AGAP3: variants seen among roughly 807,000 people sequenced by gnomAD.
AGAP3 encodes the protein arf-GAP with GTPase, ANK repeat and PH domain-containing protein 3.
In AGAP3, 24 loss-of-function variants were observed where a neutral mutation model predicts 96.9. The observed-to-expected ratio is 0.25, with a 90% confidence interval of 0.18 to 0.35. The LOEUF is 0.35. AGAP3 is among the 10% of genes least tolerant of loss of function. The pLI, the probability that AGAP3 is intolerant of heterozygous loss-of-function variation, is 1.00. For synonymous variants in AGAP3, 563 were observed against 536.1 expected, an observed-to-expected ratio of 1.05 and a Z score of -0.69; for missense variants, 876 against 1,254.2, an observed-to-expected ratio of 0.70 and a Z score of 4.55.
intron 1 of AGAP3, among the ~76,000 whole-genome samples, chr7:151,094,820 C>A (rs985109265): frequency 1.3e-5 from 2 of 151,044 alleles, no homozygotes; most frequent in East Asian, 4.0e-4. Context: ...GGCCTCCCCT[C>A]CCTTCCTCCC....
In AGAP3 at chr7:151,143,700, TG is replaced by T; in HGVS notation, c.2530-36del. The T allele has an allele frequency of 6.2e-7, 1 of 1,613,184 alleles. No homozygotes were observed. Among genetic ancestry groups the T allele is most frequent in the Non-Finnish European group, 8.5e-7 (1 of 1,179,218 alleles). ...CCTACAACCAATCTCTCTCCTCCCA[TG>T]TCTTGCCAACTGTCAACATGTGTTT... On this transcript the variant is annotated intron_variant, in intron 17 of 17. Transcript: ENST00000397238. The surrounding 1 kb of genome is among the most constrained non-coding windows in gnomAD (Gnocchi z 5.9).
intron 8 of AGAP3, among the ~76,000 whole-genome samples, chr7:151,121,530 C>G (rs1241935441): frequency 6.6e-6 from 1 of 152,094 alleles, no homozygotes; most frequent in Non-Finnish European, 1.5e-5. Context: ...TGTAGCAACC[C>G]CAGGGCACCC....
At chr7:151,122,977 T>C in intron 8 of AGAP3, 1 of 1,426,606 alleles carries the variant, frequency 7.0e-7, no homozygotes, top group Non-Finnish European at 9.1e-7. Context: ...CGCTGGGGGC[T>C]GCCGGGGACC....
chr7:151,115,177 A>G, intron 1 of AGAP3: 1 of 1,012,926 alleles, frequency 9.9e-7, no homozygotes, highest in Non-Finnish European at 1.2e-6. Context: ...AACCGCCTGG[A>G]GCTGGCGGCC....
chr7:151,142,503 G>A lies in AGAP3; in HGVS notation c.2142G>A (p.Val714=). ...ACCTGGGGGCTCACCTGTCCCGGGT[G>A]CGCTCCCTTGACCTCGATGACTGGC... ...HRHLGAHLSR[V]RSLDLDDWPP... The change falls in exon 16 of 18, where the codon GTG becomes GTA. Residue 714 remains valine (V), a synonymous_variant. Transcript: ENST00000397238. The surrounding 1 kb of genome is among the most constrained non-coding windows in gnomAD (Gnocchi z 7.5). 2.5e-6 allele frequency: 4 copies of A among 1,613,890 alleles called. No individual in the cohort carries two copies. The highest frequency in any genetic ancestry group is 3.4e-6 in the Non-Finnish European group (4 of 1,180,022).
chr7:151,119,564 G>C (rs1799766809), intron 7 of AGAP3, among the ~76,000 whole-genome samples: 1 of 152,150 alleles, frequency 6.6e-6, no homozygotes, highest in Admixed American at 6.5e-5. Flanking sequence ...CCGCCTCCTG[G>C]CCTCCTGCAC....
At chr7:151,138,457 C>A in intron 12 of AGAP3, 144 bp downstream of exon 12, 1 of 970,186 alleles carries the variant, frequency 1.0e-6, no homozygotes, top group Non-Finnish European at 1.5e-6. Context: ...CCCTCCTGGG[C>A]TTGTCAGAGA....
intron 12 of AGAP3, among the ~76,000 whole-genome samples, chr7:151,138,654 G>T (rs1009167040): frequency 3.3e-5 from 5 of 152,326 alleles, no homozygotes; most frequent in Non-Finnish European, 4.4e-5. Flanking sequence ...GGCGCTGGTG[G>T]TGGCTCCCGC....
chr7:151,124,384 G>A (rs1444281319), intron 9 of AGAP3, among the ~76,000 whole-genome samples: 1 of 152,226 alleles, frequency 6.6e-6, no homozygotes, highest in African/African-American at 2.4e-5. Flanking sequence ...TGGGGGCCCT[G>A]GGCCTGCCTT....
rs763750854 is a variant in AGAP3, at chr7:151,143,781, A to G, written c.2574A>G (p.Pro858=). 4 of 1,614,098 alleles carry G rather than the reference A, an allele frequency of 2.5e-6. No individual in the cohort carries two copies. The highest frequency in any genetic ancestry group is 3.3e-5 in the Admixed American group (2 of 60,024). The change falls in exon 18 of 18, where the codon CCA becomes CCG. Residue 858 remains proline (P), a synonymous_variant. Transcript: ENST00000397238. This position sits in a 1 kb window ranked among gnomAD's most constrained non-coding sequence, Gnocchi z 5.9. ...VRSRDARGLT[P]LAYARRAGSQ... ...GCCGGGACGCCCGGGGCCTGACTCC[A>G]CTGGCATATGCTCGCCGGGCCGGCA...
intron 9 of AGAP3, 120 bp downstream of exon 9, chr7:151,124,006 C>T: frequency 9.9e-7 from 1 of 1,012,062 alleles, no homozygotes. Flanking sequence ...GCCAGCACCA[C>T]CCTCCTAGGC....
At position 151,143,905 on chromosome 7, in the gene AGAP3, C is replaced by A. The variant is rs1316279728; in HGVS notation, c.2698C>A (p.Pro900Thr). 1 of 1,614,082 alleles carries A rather than the reference C, an allele frequency of 6.2e-7. No homozygotes were observed. The highest frequency in any genetic ancestry group is 8.5e-7 in the Non-Finnish European group (1 of 1,180,020). ...CAGAGAGCCTGCCAATGGCACCAAC[C>A]CCTCTGCTGAGCTGCACCGTAGTCC... ...PNREPANGTN[P>T]SAELHRSPSL... Residue 900 changes from proline (P) to threonine (T), a missense_variant, in exon 18 of 18, where the codon CCC becomes ACC. By Grantham distance (38) the Pro-to-Thr change is conservative (BLOSUM62 -1). Around this residue, in one of 8 missense-constraint regions of AGAP3, gnomAD observed 213 missense variants for 253.8 expected, o/e 0.84. Coordinates refer to ENST00000397238, the MANE Select transcript of AGAP3 (RefSeq NM_031946.7). This position sits in a 1 kb window ranked among gnomAD's most constrained non-coding sequence, Gnocchi z 5.9.
chr7:151,121,103 C>T (rs1365090418), intron 8 of AGAP3: 1 of 160,054 alleles, frequency 6.2e-6, no homozygotes, highest in Admixed American at 6.3e-5. Context: ...CCGGACCCTG[C>T]CCGGACAGAG....
chr7:151,127,790 C>T (rs1217000612), intron 9 of AGAP3, among the ~76,000 whole-genome samples: 2 of 152,198 alleles, frequency 1.3e-5, no homozygotes, highest in Non-Finnish European at 2.9e-5. Flanking sequence ...GCATCGTCTC[C>T]TTCTATCTTC....
intron 8 of AGAP3, chr7:151,123,370 G>A: frequency 9.5e-7 from 1 of 1,053,506 alleles, no homozygotes; most frequent in East Asian, 8.5e-5. Context: ...CGCGCTCGGT[G>A]CCACGTGCCG....
chr7:151,132,831 T>A (rs974340793), intron 10 of AGAP3, among the ~76,000 whole-genome samples: 2 of 152,214 alleles, frequency 1.3e-5, no homozygotes, highest in Non-Finnish European at 2.9e-5. Flanking sequence ...GTCTTCATTA[T>A]TCCTGCCAGA....
At chr7:151,094,059 A>T (rs2150408945) in intron 1 of AGAP3, among the ~76,000 whole-genome samples, 1 of 152,168 alleles carries the variant, frequency 6.6e-6, no homozygotes, top group East Asian at 1.9e-4. Flanking sequence ...GAATCAGAAG[A>T]GATCCTGTGG....
Position 151,118,536 on chromosome 7 carries a change from G to A in AGAP3, c.873G>A (p.Lys291=). ...AGAAGGTAGTGGCCTTGCGAAAGAA[G>A]CAGCAACTGGCCATCGGGCCCTGCA... ...VAQKVVALRK[K]QQLAIGPCKS... The change falls in exon 7 of 18, where the codon AAG becomes AAA. Residue 291 remains lysine (K), a synonymous_variant. Transcript: ENST00000397238. This position sits in a 1 kb window ranked among gnomAD's most constrained non-coding sequence, Gnocchi z 6.1. 2 of 1,614,174 alleles carry A rather than the reference G, an allele frequency of 1.2e-6. No individual in the cohort carries two copies. The highest frequency in any genetic ancestry group is 1.7e-6 in the Non-Finnish European group (2 of 1,180,042).
rs1004853098 is a variant in AGAP3, at chr7:151,139,879, A to G, written c.1667-100A>G. ...TGGCTCTCCTGAGTGTGGCCCAGCTACAGTTGGCAGGACTGGTCCTCTCCT... is the reference window on the plus strand; with the variant it reads ...TGGCTCTCCTGAGTGTGGCCCAGCTGCAGTTGGCAGGACTGGTCCTCTCCT... On this transcript the variant is annotated intron_variant, in intron 12 of 17. Transcript: ENST00000397238. The surrounding 1 kb of genome is among the most constrained non-coding windows in gnomAD (Gnocchi z 4.9). 1.9e-5 allele frequency: 22 copies of G among 1,177,056 alleles called. 3 individuals carry two copies. The Admixed American group carries it at 8.2e-4, about 44-fold the overall frequency. 72.9% of individuals were successfully genotyped at this position (1,177,056 alleles called of 1,614,324 possible).
Sources: gnomAD v4.1 joint callset for allele counts (sites outside exome capture counted in the v4.1 genomes callset) on GRCh38, gnomAD v4.1.1 for gene constraint, gnomAD v4.1.1 regional missense constraint, Gnocchi (gnomAD v3.1) non-coding constraint, MANE v1.5 for transcripts, NCBI Gene and HGNC (gene_info 2026-07-23, HGNC 2026-07-21) for gene names.